Variants in RIMS2 observed in about 807,000 individuals in gnomAD.
RIMS2 encodes the protein regulating synaptic membrane exocytosis 2.
Under a neutral mutation model 174.4 loss-of-function variants are expected in RIMS2, and 59 were observed. The observed-to-expected ratio is 0.34, with a 90% CI of 0.27 to 0.42. The LOEUF is 0.42. Among genes scored for constraint, RIMS2 ranks in the 10% least tolerant of loss-of-function variants. The pLI, the probability that RIMS2 is intolerant of heterozygous loss-of-function variation, is 1.00. For missense variants in RIMS2, 1,620 were observed against 1,666.3 expected (o/e 0.97, Z 0.48); for synonymous variants, 606 against 572.5 (o/e 1.06, Z -0.84).
chr8:104,175,616 A>G (rs1006135626), intron 19 of RIMS2, among the ~76,000 whole-genome samples: 6 of 152,182 alleles, frequency 3.9e-5, no homozygotes, highest in Non-Finnish European at 4.4e-5. Context: ...AAGAAACACA[A>G]TGACTTCTCC....
chr8:104,248,675 A>T, intron 20 of RIMS2, 26 bp from the exon 27 acceptor site: 1 of 1,207,454 alleles, frequency 8.3e-7, no homozygotes, highest in Non-Finnish European at 1.2e-6. Flanking sequence ...TTGGGGATTT[A>T]ATCTCATATG....
chr8:103,838,704 T>C (rs1310318900), intron 3 of RIMS2, among the ~76,000 whole-genome samples: 1 of 152,226 alleles, frequency 6.6e-6, no homozygotes, highest in Admixed American at 6.5e-5. Flanking sequence ...TATTCCATTC[T>C]ACTGTTAATC....
intron 16 of RIMS2, chr8:103,976,978 T>C (rs2093501079): frequency 6.6e-6 from 1 of 152,202 alleles, no homozygotes; most frequent in Non-Finnish European, 1.5e-5. Context: ...TAGTTGAAGC[T>C]AACAAGAAAT....
intron 1 of RIMS2, among the ~76,000 whole-genome samples, chr8:103,512,568 G>A (rs866965050): frequency 6.6e-6 from 1 of 151,984 alleles, no homozygotes; most frequent in Non-Finnish European, 1.5e-5. Flanking sequence ...TTTCCTCTCA[G>A]AGGTATGCAT....
exon 22 of RIMS2, chr8:104,249,512 C>G: frequency 6.2e-7 from 1 of 1,610,286 alleles, no homozygotes; most frequent in Non-Finnish European, 8.5e-7. Context: ...GAATGATGGA[C>G]AAAAAGGGAC....
At position 104,128,826 on chromosome 8, in the gene RIMS2, A is replaced by T. The variant is rs191814030; in HGVS notation, c.3334+114211A>T. Among the ~76,000 whole-genome samples, 8 of 152,308 alleles carry T rather than the reference A, an allele frequency of 5.3e-5. No individual in the cohort carries two copies. In the East Asian group the frequency reaches 1.5e-3, roughly 29 times the overall value. ...CAGTATGCTAGACTGAATTTAAATT[A>T]AAAAATAGTTACACCTGTTTTAAAT... On this transcript the variant is annotated intron_variant, in intron 19 of 23. Coordinates refer to ENST00000504942, the Ensembl canonical transcript of RIMS2.
chr8:103,735,263 T>C (rs1321793065), intron 2 of RIMS2, among the ~76,000 whole-genome samples: 1 of 152,228 alleles, frequency 6.6e-6, no homozygotes, highest in African/African-American at 2.4e-5. Context: ...ACTGATTTTG[T>C]AGTTGAATCT....
chr8:103,815,719 T>C (rs547486323), intron 3 of RIMS2, among the ~76,000 whole-genome samples: 122 of 152,294 alleles, frequency 8.0e-4, no homozygotes, highest in African/African-American at 2.8e-3. Context: ...ATTTGTCAAA[T>C]GAATAAGCAT....
intron 19 of RIMS2, among the ~76,000 whole-genome samples, chr8:104,091,963 A>G (rs2097667471): frequency 6.6e-6 from 1 of 151,780 alleles, no homozygotes; most frequent in Non-Finnish European, 1.5e-5. Context: ...CAAGATAGAA[A>G]GTTAAAGTGG....
At chr8:103,823,916 CAT>C (rs911476678) in intron 3 of RIMS2, among the ~76,000 whole-genome samples, 17 of 151,644 alleles carry the variant, frequency 1.1e-4, no homozygotes, top group Admixed American at 5.9e-4. Flanking sequence ...ATTTTATGTA[CAT>C]ATATATATAC....
chr8:104,128,789 T>C (rs2098451500), intron 19 of RIMS2, among the ~76,000 whole-genome samples: 1 of 152,202 alleles, frequency 6.6e-6, no homozygotes, highest in Non-Finnish European at 1.5e-5. Context: ...TTCATTAAAT[T>C]TTTGTTTTCT....
At chr8:104,111,954 C>G (rs1381535421) in intron 19 of RIMS2, among the ~76,000 whole-genome samples, 2 of 152,106 alleles carry the variant, frequency 1.3e-5, no homozygotes, top group Non-Finnish European at 2.9e-5. Context: ...GCCATAATGT[C>G]TGTTTATTTC....
At chr8:103,965,789 T>C (rs1293006008) in intron 15 of RIMS2, among the ~76,000 whole-genome samples, 1 of 152,162 alleles carries the variant, frequency 6.6e-6, no homozygotes, top group East Asian at 1.9e-4. Context: ...TTTTGGTAGA[T>C]ATTCTACATC....
At chr8:103,520,466 T>C (rs1160997480) in intron 1 of RIMS2, among the ~76,000 whole-genome samples, 4 of 152,118 alleles carry the variant, frequency 2.6e-5, no homozygotes, top group Admixed American at 6.6e-5. Flanking sequence ...AGCAAATTGC[T>C]CTCTTGGGGT....
chr8:104,069,676 G>C (rs1020744303), intron 19 of RIMS2, among the ~76,000 whole-genome samples: 2 of 151,712 alleles, frequency 1.3e-5, no homozygotes, highest in Admixed American at 1.3e-4. Context: ...ACTATTGTTG[G>C]CCAGGCTGGT....
At chr8:104,070,813 G>A (rs1387585706) in intron 19 of RIMS2, among the ~76,000 whole-genome samples, 3 of 152,044 alleles carry the variant, frequency 2.0e-5, no homozygotes, top group Non-Finnish European at 2.9e-5. Flanking sequence ...AAAAGATCAA[G>A]AGAAAATAAA....
At chr8:103,538,742 C>T (rs367732606) in intron 1 of RIMS2, among the ~76,000 whole-genome samples, 138 of 152,260 alleles carry the variant, frequency 9.1e-4, no homozygotes, top group African/African-American at 3.2e-3. Context: ...GTCTCAATCC[C>T]GTGATCCACC....
chr8:103,880,644 C>T, intron 3 of RIMS2: 1 of 522,890 alleles, frequency 1.9e-6, no homozygotes, highest in South Asian at 3.2e-5. Context: ...GTATTTTTGT[C>T]AACATGATGC....
chr8:104,184,698 T>G (rs1241798275), intron 19 of RIMS2, among the ~76,000 whole-genome samples: 1 of 151,496 alleles, frequency 6.6e-6, no homozygotes, highest in Non-Finnish European at 1.5e-5. Flanking sequence ...TTTGTTTTGT[T>G]TTAATACAAA....
Sources: gnomAD v4.1 joint callset for allele counts (sites outside exome capture counted in the v4.1 genomes callset) on GRCh38, gnomAD v4.1.1 for gene constraint, MANE v1.5 for transcripts, NCBI Gene and HGNC (gene_info 2026-07-23, HGNC 2026-07-21) for gene names.